Variants in TRAIP observed in about 807,000 individuals in gnomAD.
TRAIP encodes the protein TRAF interacting protein.
A neutral mutation model predicts 65.0 loss-of-function variants in TRAIP; 37 were observed. The observed-to-expected ratio is 0.57, with a 90% CI of 0.44 to 0.75. The LOEUF is 0.75. TRAIP is among the 30% of genes least tolerant of loss of function. The pLI is 0.00. For synonymous variants in TRAIP, 187 were observed against 219.1 expected, an observed-to-expected ratio of 0.85 and a Z score of 1.29; for missense variants, 481 against 579.4, an observed-to-expected ratio of 0.83 and a Z score of 1.74.
Position 49,841,863 on chromosome 3 carries a change from C to T in TRAIP, c.580G>A (p.Val194Met), listed in dbSNP as rs772040632. ...IRDMGVGQSA[V>M]EQLAVYCVSL... Reference sequence around the variant, plus strand: ...ACACAGTACACAGCCAGCTGTTCCACCGCTGACTGTCCCACACCCATGTCT... The same window carrying T: ...ACACAGTACACAGCCAGCTGTTCCATCGCTGACTGTCCCACACCCATGTCT... Residue 194 changes from valine (V) to methionine (M), a missense_variant, in exon 7 of 15, where the codon GTG becomes ATG. Val to Met is a conservative substitution (Grantham distance 21). Coordinates refer to ENST00000331456, the MANE Select transcript of TRAIP (RefSeq NM_005879.3). 37 of 1,614,116 alleles carry T rather than the reference C, an allele frequency of 2.3e-5. No individual in the cohort carries two copies. The South Asian group carries it at 3.0e-4, about 13-fold the overall frequency.
intron 2 of TRAIP, 64 bp downstream of exon 2, chr3:49,848,079 C>T (rs2081901184): frequency 6.3e-7 from 1 of 1,585,144 alleles, no homozygotes; most frequent in Admixed American, 1.7e-5. Context: ...GAGCTCTTTT[C>T]ACATTCCTGC....
chr3:49,851,221 A>T (rs1049007138), intron 1 of TRAIP, among the ~76,000 whole-genome samples: 7 of 151,860 alleles, frequency 4.6e-5, no homozygotes, highest in African/African-American at 1.5e-4. Flanking sequence ...CAATCTGCCT[A>T]CCTCAGCCTC....
chr3:49,839,673 A>T, intron 10 of TRAIP, 99 bp downstream of exon 10: 1 of 1,132,030 alleles, frequency 8.8e-7, no homozygotes, highest in South Asian at 1.3e-5. Flanking sequence ...CATCAGGTCC[A>T]CAGAGGTCAC....
chr3:49,829,832 T>C lies in TRAIP; in HGVS notation c.1087-66A>G, dbSNP rs539844561. The C allele has an allele frequency of 4.7e-4, 759 of 1,603,628 alleles. 9 individuals carry two copies. The South Asian group carries it at 8.2e-3, about 17-fold the overall frequency. On this transcript the variant is annotated intron_variant, in intron 12 of 14. Transcript: ENST00000331456. ...GTCAGCAAAGGAGGGAGGGTAGTGGTGGTGGAACAAGATCAGGATCTCTGA... is the reference window on the plus strand; with the variant it reads ...GTCAGCAAAGGAGGGAGGGTAGTGGCGGTGGAACAAGATCAGGATCTCTGA...
Position 49,847,535 on chromosome 3 carries a change from T to A in TRAIP, c.230A>T (p.Glu77Val). 6.2e-7 allele frequency: 1 copy of A among 1,609,668 alleles called. No homozygotes were observed. The highest frequency in any genetic ancestry group is 2.2e-5 in the East Asian group (1 of 44,796). Residue 77 changes from glutamate (E) to valine (V), a missense_variant, in exon 3 of 15, where the codon GAA (glutamate) becomes GTA (valine). Coordinates refer to ENST00000331456, the MANE Select transcript of TRAIP (RefSeq NM_005879.3). Reference sequence around the variant, plus strand: ...ATAAATTCTGGGTACCTTTAAGAATTCTGCATCCAAGACATTCTCCTCCTC... The same window carrying A: ...ATAAATTCTGGGTACCTTTAAGAATACTGCATCCAAGACATTCTCCTCCTC... ...AQEEENVLDA[E>V]FLKNELDNVR...
rs1455766762 is a variant in TRAIP at position 49,841,712 on chromosome 3, G to C, written c.617+114C>G. 1.1e-5 allele frequency: 8 copies of C among 754,914 alleles called. No homozygotes were observed. In the African/African-American group the frequency reaches 1.2e-4, roughly 12 times the overall value. 46.8% of individuals were successfully genotyped at this position (754,914 alleles called of 1,614,324 possible). ...TCAGGGTTCAAACAAAGGCAGCATG[G>C]CTCCAGAGTTTGCCCCTTAGTTCCA... On this transcript the variant is annotated intron_variant, in intron 7 of 14. Transcript: ENST00000331456.
intron 10 of TRAIP, among the ~76,000 whole-genome samples, chr3:49,837,205 T>C (rs930461734): frequency 6.6e-6 from 1 of 152,042 alleles, no homozygotes; most frequent in Admixed American, 6.6e-5. Context: ...GGTCTTGCCA[T>C]CAGAACACAA....
chr3:49,849,812 T>C (rs2081915417), intron 1 of TRAIP, among the ~76,000 whole-genome samples: 1 of 151,460 alleles, frequency 6.6e-6, no homozygotes, highest in Non-Finnish European at 1.5e-5. Context: ...GCCTCAAAGA[T>C]TCCTATAAGT....
intron 10 of TRAIP, among the ~76,000 whole-genome samples, chr3:49,836,897 G>C (rs1244530984): frequency 6.6e-6 from 1 of 151,168 alleles, no homozygotes; most frequent in Non-Finnish European, 1.5e-5. Context: ...ATCAACTGTT[G>C]CCATGGAGAG....
chr3:49,847,840 C>A (rs1306612647), intron 2 of TRAIP, among the ~76,000 whole-genome samples: 5 of 152,160 alleles, frequency 3.3e-5, no homozygotes, highest in African/African-American at 9.7e-5. Flanking sequence ...CAGACCTACA[C>A]GGTTAAGTGC....
chr3:49,830,705 C>A lies in TRAIP; in HGVS notation c.1038-637G>T, dbSNP rs1575388590. On this transcript the variant is annotated intron_variant, in intron 11 of 14. Transcript: ENST00000331456. ...TCCATCCAATTCCTGGGGAACCCAG[C>A]AGCTGGATACCCTCTCCTGGCATTT... Among the ~76,000 whole-genome samples, 3 of 152,220 alleles carry A rather than the reference C, an allele frequency of 2.0e-5. No homozygotes were observed. The East Asian group carries it at 5.8e-4, about 29-fold the overall frequency.
chr3:49,849,385 G>C (rs1167676386), intron 1 of TRAIP, among the ~76,000 whole-genome samples: 3 of 151,582 alleles, frequency 2.0e-5, no homozygotes, highest in Non-Finnish European at 4.4e-5. Context: ...CAGCACTTTG[G>C]GAGGCCGAGG....
chr3:49,849,401 A>G (rs968573023), intron 1 of TRAIP, among the ~76,000 whole-genome samples: 10 of 151,860 alleles, frequency 6.6e-5, no homozygotes, highest in Non-Finnish European at 1.5e-4. Context: ...CGAGGCGGGC[A>G]GATCACAAGG....
intron 1 of TRAIP, among the ~76,000 whole-genome samples, chr3:49,852,868 T>A (rs2081945078): frequency 6.6e-6 from 1 of 152,082 alleles, no homozygotes; most frequent in African/African-American, 2.4e-5. Context: ...ATGGCTGTAA[T>A]CCCGGCACTT....
rs750581402 is a variant in TRAIP, at chr3:49,856,473, C to A, written c.-20G>T. 1 of 1,605,890 alleles carries A rather than the reference C, an allele frequency of 6.2e-7. No homozygotes were observed. Among genetic ancestry groups the A allele is most frequent in the Admixed American group, 1.7e-5 (1 of 59,028 alleles). On this transcript the variant is annotated 5_prime_UTR_variant, in exon 1 of 15. Coordinates refer to ENST00000331456, the MANE Select transcript of TRAIP (RefSeq NM_005879.3). ...AGGCATGATGGCTGGACTCAAGGGG[C>A]CCAGGCAGCCAAAGAAACTGCTACA...
intron 1 of TRAIP, 112 bp from the exon 2 acceptor site, chr3:49,848,312 G>A: frequency 8.7e-7 from 1 of 1,146,614 alleles, no homozygotes; most frequent in Non-Finnish European, 1.3e-6. Context: ...TTGACCCAAT[G>A]CCTGCCCAAA....
At chr3:49,844,848 G>A (rs1414929905) in intron 3 of TRAIP, among the ~76,000 whole-genome samples, 3 of 152,224 alleles carry the variant, frequency 2.0e-5, no homozygotes, top group Non-Finnish European at 2.9e-5. Context: ...ATAGTGGAAG[G>A]GAAGTTAAAG....
chr3:49,847,523 A>G lies in TRAIP; in HGVS notation c.240+2T>C. Reference sequence around the variant, plus strand: ...CAGTAGAATCAGATAAATTCTGGGTACCTTTAAGAATTCTGCATCCAAGAC... The same window carrying G: ...CAGTAGAATCAGATAAATTCTGGGTGCCTTTAAGAATTCTGCATCCAAGAC... On this transcript the variant is annotated splice_donor_variant, in intron 3 of 14. Coordinates refer to ENST00000331456, the MANE Select transcript of TRAIP (RefSeq NM_005879.3). LOFTEE classifies it high-confidence loss of function. 1 of 1,598,086 alleles carries G rather than the reference A, an allele frequency of 6.3e-7. No homozygotes were observed. Among genetic ancestry groups the G allele is most frequent in the Non-Finnish European group, 8.5e-7 (1 of 1,170,202 alleles).
chr3:49,847,266 T>C (rs1212257628), intron 3 of TRAIP, among the ~76,000 whole-genome samples: 1 of 151,510 alleles, frequency 6.6e-6, no homozygotes, highest in Non-Finnish European at 1.5e-5. Flanking sequence ...CCTACAGTCC[T>C]AGCTACTAGG....
Sources: allele counts gnomAD v4.1 joint callset (sites outside exome capture counted in the v4.1 genomes callset), GRCh38; gene constraint gnomAD v4.1.1; transcripts MANE v1.5; gene names NCBI Gene and HGNC (gene_info 2026-07-23, HGNC 2026-07-21).